MBD5: variants seen among roughly 807,000 people sequenced by gnomAD.
MBD5 encodes methyl-CpG-binding domain protein 5.
A neutral mutation model predicts 117.3 loss-of-function variants in MBD5; 13 were observed. That is an observed-to-expected ratio of 0.11 (90% confidence interval 0.07 to 0.18). MBD5 has a LOEUF of 0.18. MBD5 is among the 10% of genes least tolerant of loss of function. MBD5 has a pLI of 1.00. For synonymous variants in MBD5, 727 were observed against 766.4 expected (o/e 0.95, Z 0.85); for missense variants, 1,879 against 2,093.8 (o/e 0.90, Z 2.00).
intron 4 of MBD5, among the ~76,000 whole-genome samples, chr2:148,369,059 T>C (rs886986020): frequency 6.6e-6 from 1 of 152,114 alleles, no homozygotes; most frequent in Non-Finnish European, 1.5e-5. Flanking sequence ...GCCTCTGTAA[T>C]ATTCCCACTA....
chr2:148,421,872 G>A (rs1705619026), intron 4 of MBD5, among the ~76,000 whole-genome samples: 1 of 152,236 alleles, frequency 6.6e-6, no homozygotes, highest in Non-Finnish European at 1.5e-5. Flanking sequence ...CGGCCAGACT[G>A]CCTCTCTAGA....
At chr2:148,147,253 T>G (rs1204375608) in intron 1 of MBD5, among the ~76,000 whole-genome samples, 1 of 151,966 alleles carries the variant, frequency 6.6e-6, no homozygotes, top group Non-Finnish European at 1.5e-5. Flanking sequence ...TTATTTTATT[T>G]TTTTTCTGAG....
intron 4 of MBD5, among the ~76,000 whole-genome samples, chr2:148,417,650 T>G (rs543556274): frequency 2.4e-4 from 37 of 152,304 alleles, no homozygotes; most frequent in African/African-American, 8.9e-4. Context: ...TACTGGCCAT[T>G]CTGGCTGAGG....
intron 3 of MBD5, among the ~76,000 whole-genome samples, chr2:148,279,042 G>T (rs934113557): frequency 2.6e-5 from 4 of 152,322 alleles, no homozygotes; most frequent in Non-Finnish European, 4.4e-5. Flanking sequence ...CACCCATGTT[G>T]AGGGTGTATC....
rs1315441308 is a variant in MBD5 at position 148,048,171 on chromosome 2, A to G, written c.-925+26487A>G. ...TTACCTGTTCAAAAAAAGGTTACTA[A>G]CTACCTCCTTCTCATGGTTTTTGGA... On this transcript the variant is annotated intron_variant, in intron 1 of 13. Coordinates refer to ENST00000642680, the MANE Select transcript of MBD5 (RefSeq NM_001378120.1). Among the ~76,000 whole-genome samples the G allele has an allele frequency of 1.2e-4, 18 of 152,140 alleles. 1 individual carries two copies. Among genetic ancestry groups the G allele is most frequent in the Admixed American group, 1.2e-3 (18 of 15,280 alleles).
At chr2:148,057,928 T>A (rs1250643468) in intron 1 of MBD5, among the ~76,000 whole-genome samples, 1 of 152,076 alleles carries the variant, frequency 6.6e-6, no homozygotes, top group African/African-American at 2.4e-5. Flanking sequence ...CAATAAGCAC[T>A]AGTGTAAATC....
At chr2:148,502,569 T>G in intron 12 of MBD5, 60 bp downstream of exon 12, 1 of 1,486,570 alleles carries the variant, frequency 6.7e-7, no homozygotes, top group East Asian at 2.3e-5. Flanking sequence ...TGTTTTTCCA[T>G]CAAAGGGACA....
chr2:148,394,316 A>G (rs956101371), intron 4 of MBD5, among the ~76,000 whole-genome samples: 1 of 151,930 alleles, frequency 6.6e-6, no homozygotes, highest in Non-Finnish European at 1.5e-5. Flanking sequence ...TAGTTATTTT[A>G]CTCTGGGGTT....
rs1487092740 is a variant in MBD5 at position 148,483,123 on chromosome 2, A to G, written c.2532A>G (p.Pro844=). 3 of 1,610,494 alleles carry G rather than the reference A, an allele frequency of 1.9e-6. No homozygotes were observed. Among genetic ancestry groups the G allele is most frequent in the South Asian group, 2.2e-5 (2 of 91,018 alleles). Residue 844 remains proline, a synonymous_variant, in exon 9 of 14, where the codon CCA becomes CCG. Transcript: ENST00000642680. ...TTTTCATTTTAGGCGGTTCAGGACC[A>G]TCATCCTCCATAGCCATAGCGGGCA... ...QTSSEAGGSG[P]SSSIAIAGTN... is the part of the protein sequence containing the mutation.
chr2:148,047,389 A>G (rs1332911830), intron 1 of MBD5, among the ~76,000 whole-genome samples: 2 of 152,212 alleles, frequency 1.3e-5, no homozygotes. Flanking sequence ...AATGGAGTAC[A>G]TTTTGCGTGG....
intron 4 of MBD5, among the ~76,000 whole-genome samples, chr2:148,385,261 T>G (rs924761485): frequency 6.6e-6 from 1 of 151,702 alleles, no homozygotes; most frequent in Non-Finnish European, 1.5e-5. Context: ...TCAAACAAAT[T>G]TACAAGAAAA....
chr2:148,330,053 C>CCCCCCCCCCCCCCA (rs1559026394), intron 3 of MBD5, among the ~76,000 whole-genome samples: 3 of 21,086 alleles, frequency 1.4e-4, no homozygotes, highest in Non-Finnish European at 2.1e-4. Context: ...GCCCCCCCCA[C>CCCCCCCCCCCCCCA]ACACACACAC....
chr2:148,326,628 A>T (rs1702459780), intron 3 of MBD5, among the ~76,000 whole-genome samples: 1 of 151,876 alleles, frequency 6.6e-6, no homozygotes. Context: ...GTTGGTTTAA[A>T]GTCTGTTTTA....
chr2:148,497,832 A>G (rs1357492554), intron 11 of MBD5, among the ~76,000 whole-genome samples: 1 of 151,530 alleles, frequency 6.6e-6, no homozygotes, highest in East Asian at 1.9e-4. Context: ...AGGTTTGTCC[A>G]TGTTTTACCT....
At chr2:148,217,164 CT>C (rs1699578075) in intron 2 of MBD5, among the ~76,000 whole-genome samples, 1 of 152,114 alleles carries the variant, frequency 6.6e-6, no homozygotes, top group Admixed American at 6.5e-5. Flanking sequence ...GTCACGTCTT[CT>C]GTGATGGGGC....
intron 3 of MBD5, among the ~76,000 whole-genome samples, chr2:148,248,876 A>T (rs1313663081): frequency 6.6e-6 from 1 of 152,072 alleles, no homozygotes; most frequent in Non-Finnish European, 1.5e-5. Context: ...AAAATTAGGT[A>T]TATAAAAAAG....
At chr2:148,304,611 A>G (rs2106494250) in intron 3 of MBD5, among the ~76,000 whole-genome samples, 1 of 152,288 alleles carries the variant, frequency 6.6e-6, no homozygotes, top group African/African-American at 2.4e-5. Flanking sequence ...TGCATTGGGG[A>G]CTGCAGTGGG....
intron 3 of MBD5, among the ~76,000 whole-genome samples, chr2:148,323,143 A>G (rs1486487267): frequency 3.3e-5 from 5 of 151,580 alleles, no homozygotes; most frequent in South Asian, 2.1e-4. Context: ...ATGATTTCCA[A>G]TTTCATCCAT....
At chr2:148,400,222 T>C (rs887850763) in intron 4 of MBD5, among the ~76,000 whole-genome samples, 2 of 152,194 alleles carry the variant, frequency 1.3e-5, no homozygotes, top group Non-Finnish European at 2.9e-5. Context: ...TCTTTTTTAC[T>C]TTTTTTAAAT....
Sources: gnomAD v4.1 joint callset for allele counts (sites outside exome capture counted in the v4.1 genomes callset) on GRCh38, gnomAD v4.1.1 for gene constraint, MANE v1.5 for transcripts, NCBI Gene and HGNC (gene_info 2026-07-23, HGNC 2026-07-21) for gene names.